SLC25A34: variants seen among roughly 807,000 people sequenced by gnomAD.
The protein encoded by SLC25A34 is solute carrier family 25 member 34.
In SLC25A34, 26 loss-of-function variants were observed where a neutral mutation model predicts 28.1. That is an observed-to-expected ratio of 0.93 (90% CI 0.68 to 1.28). The LOEUF (loss-of-function observed/expected upper bound fraction) is 1.28. Ranked by LOEUF, SLC25A34 falls within the 50% of genes most tolerant of loss-of-function variation. The pLI is 0.00. For missense variants in SLC25A34, 384 were observed against 409.8 expected (o/e 0.94, Z 0.54); for synonymous variants, 182 against 182.2 (o/e 1.00, Z 0.01).
At chr1:15,739,072 C>A in intron 4 of SLC25A34, 152 bp from the exon 5 acceptor site, 2 of 1,001,606 alleles carry the variant, frequency 2.0e-6, no homozygotes, top group Non-Finnish European at 2.9e-6. Context: ...ACCCCACAGC[C>A]TTCCCATGGC....
In SLC25A34 at chr1:15,738,133, G is replaced by C; in HGVS notation, c.485G>C (p.Gly162Ala). ...TTGGAGACCATCTGGCGGCAGCAAG[G>C]GCTCTTGGGGCTGTGGCAGGGCGTT... ...GALETIWRQQ[G>A]LLGLWQGVGG... The change falls in exon 3 of 5, where the codon GGG becomes GCG. Residue 162 changes from glycine to alanine, a missense_variant. Coordinates refer to ENST00000294454, the MANE Select transcript of SLC25A34 (RefSeq NM_207348.3). 6.2e-7 allele frequency: 1 copy of C among 1,606,344 alleles called. No homozygotes were observed.
Position 15,736,883 on chromosome 1 carries a change from C to T in SLC25A34, c.378+20C>T, listed in dbSNP as rs1048219846. The stretch of plus-strand genomic sequence containing the variant: ...TACCTGGTGAGTGGCTTGTCTCCAT[C>T]GTCCACCCTCCACCATCCCATGACC... On this transcript the variant is annotated intron_variant, in intron 1 of 4. Coordinates refer to ENST00000294454, the MANE Select transcript of SLC25A34 (RefSeq NM_207348.3). 7 of 1,505,172 alleles carry T rather than the reference C, an allele frequency of 4.7e-6. No homozygotes were observed. The highest frequency in any genetic ancestry group is 1.3e-5 in the South Asian group (1 of 76,346). 93.2% of individuals were successfully genotyped at this position (1,505,172 alleles called of 1,614,324 possible). A position where few individuals can be genotyped will look rare whatever the true frequency, so the allele number is the denominator to read the frequency against.
chr1:15,736,826 G>A lies in SLC25A34; in HGVS notation c.341G>A (p.Gly114Glu), dbSNP rs761703349. 1 of 1,591,500 alleles carries A rather than the reference G, an allele frequency of 6.3e-7. No homozygotes were observed. Among genetic ancestry groups the A allele is most frequent in the South Asian group, 1.1e-5 (1 of 88,986 alleles). Residue 114 changes from glycine to glutamate, a missense_variant, in exon 1 of 5, where the codon GGG (glycine) becomes GAG (glutamate). Gly to Glu is a moderately conservative substitution (Grantham distance 98). Transcript: ENST00000294454. ...ACCGTGGTTGCGGGAGCCGTGGCGG[G>A]GGCACTGGGAGCCTTCGTGGGGAGC... ...GGTVVAGAVA[G>E]ALGAFVGSPA...
chr1:15,739,284 CT>C lies in SLC25A34; in HGVS notation c.794del (p.Leu265ArgfsTer133), dbSNP rs779390693. On this transcript the variant is annotated frameshift_variant, in exon 5 of 5. Coordinates refer to ENST00000294454, the MANE Select transcript of SLC25A34 (RefSeq NM_207348.3). LOFTEE classifies it high-confidence loss of function. ...MVKIWRQEGP[L>X]ALYKGLGPAY... ...GAAGATCTGGCGGCAGGAGGGCCCC[CT>C]GGCACTCTACAAGGGCCTGGGCCCC... 2.5e-6 allele frequency: 4 copies of C among 1,612,144 alleles called. No homozygotes were observed. Among genetic ancestry groups the C allele is most frequent in the Non-Finnish European group, 3.4e-6 (4 of 1,179,448 alleles).
chr1:15,738,803 C>G (rs1401856461), intron 4 of SLC25A34, 75 bp downstream of exon 4: 2 of 1,386,450 alleles, frequency 1.4e-6, no homozygotes, highest in Admixed American at 2.8e-5. Context: ...CACACACACA[C>G]TCTCACACAC....
At position 15,736,638 on chromosome 1, in the gene SLC25A34, T is replaced by C. The variant is rs1447759041; in HGVS notation, c.153T>C (p.His51=). 1 of 1,588,890 alleles carries C rather than the reference T, an allele frequency of 6.3e-7. No individual in the cohort carries two copies. Among genetic ancestry groups the C allele is most frequent in the East Asian group, 2.3e-5 (1 of 43,904 alleles). ...QARGTYPRPY[H]GFIASVAAVA... ...GGGGCACCTACCCACGGCCCTACCA[T>C]GGCTTCATAGCCTCTGTCGCTGCTG... The change falls in exon 1 of 5, where the codon CAT becomes CAC. Residue 51 remains histidine, a synonymous_variant. Coordinates refer to ENST00000294454, the MANE Select transcript of SLC25A34 (RefSeq NM_207348.3).
In SLC25A34 at chr1:15,739,242, C is replaced by T. The variant is rs1291728959; in HGVS notation, c.751C>T (p.Leu251Phe). The T allele has an allele frequency of 6.2e-7, 1 of 1,612,496 alleles. No homozygotes were observed. The highest frequency in any genetic ancestry group is 1.7e-5 in the Admixed American group (1 of 59,938). The change falls in exon 5 of 5, where the codon CTC (leucine) becomes TTC (phenylalanine). Residue 251 changes from leucine (L) to phenylalanine (F), a missense_variant. By Grantham distance (22) the Leu-to-Phe change is conservative. Transcript: ENST00000294454. The part of the protein sequence containing the change: ...TAGRGQLYGG[L>F]TDCMVKIWRQ... Reference sequence around the variant, plus strand: ...TCCCCAGGGCCAGCTCTATGGGGGCCTCACCGACTGCATGGTGAAGATCTG... The same window carrying T: ...TCCCCAGGGCCAGCTCTATGGGGGCTTCACCGACTGCATGGTGAAGATCTG...
chr1:15,738,084 TC>T lies in SLC25A34; in HGVS notation c.445-5del. On this transcript the variant is annotated splice_polypyrimidine_tract_variant and splice_region_variant and intron_variant, in intron 2 of 4. Transcript: ENST00000294454. ...GGGTGGCCAGTGACCCCGTGCCCTC[TC>T]CCCACAGACTGTCCTGGGTGCCTTG... 1 of 1,610,572 alleles carries T rather than the reference TC, an allele frequency of 6.2e-7. No homozygotes were observed. Among genetic ancestry groups the T allele is most frequent in the Non-Finnish European group, 8.5e-7 (1 of 1,177,996 alleles).
rs1479977591 is a variant in SLC25A34, at chr1:15,738,177, G to C, written c.529G>C (p.Val177Leu). The C allele has an allele frequency of 2.5e-6, 4 of 1,607,490 alleles. No homozygotes were observed. ...WQGVGGAVPRVMVGSAAQLAT... is the reference protein window; with the variant it reads ...WQGVGGAVPRLMVGSAAQLAT... ...GGGCGTTGGTGGGGCTGTGCCCCGAGTCATGGTGGGCTCAGCTGCCCAGCT... is the reference window on the plus strand; with the variant it reads ...GGGCGTTGGTGGGGCTGTGCCCCGACTCATGGTGGGCTCAGCTGCCCAGCT... Residue 177 changes from valine (V) to leucine (L), a missense_variant, in exon 3 of 5, where the codon GTC becomes CTC. Val to Leu is a conservative substitution (Grantham distance 32, BLOSUM62 1). Coordinates refer to ENST00000294454, the MANE Select transcript of SLC25A34 (RefSeq NM_207348.3).
rs60323818 is a variant in SLC25A34, at chr1:15,739,654, A to T, written c.*248A>T. ...CCTTCTCTGTACTGCGTACTGGGTC[A>T]CCACATCCCAGAGCCTTGCTCAGTT... On this transcript the variant is annotated 3_prime_UTR_variant, in exon 5 of 5. Transcript: ENST00000294454. 10,178 of 390,322 alleles carry T rather than the reference A, an allele frequency of 0.026. 883 individuals carry two copies. The highest frequency in any genetic ancestry group is 0.18 in the African/African-American group (8,882 of 48,342). The allele number at this position is 390,322 out of a possible 1,614,324, so 24.2% of individuals were successfully genotyped here.
chr1:15,738,580 T>C lies in SLC25A34; in HGVS notation c.598-14T>C, dbSNP rs1320133595. ...GAGCTGTTGCAGGGATCAGCACCTG[T>C]GCCATCCCCACAGTGGCTCCCTGAG... On this transcript the variant is annotated splice_polypyrimidine_tract_variant and intron_variant, in intron 3 of 4. Transcript: ENST00000294454. 6 of 1,602,806 alleles carry C rather than the reference T, an allele frequency of 3.7e-6. No homozygotes were observed. Among genetic ancestry groups the C allele is most frequent in the African/African-American group, 1.3e-5 (1 of 74,296 alleles).
intron 1 of SLC25A34, among the ~76,000 whole-genome samples, chr1:15,737,266 G>A (rs2068233752): frequency 1.3e-5 from 2 of 152,210 alleles, no homozygotes; most frequent in African/African-American, 4.8e-5. Context: ...ATTAAAAAAT[G>A]TTTTGAAGAA....
rs1028224012 is a variant in SLC25A34 at position 15,740,256 on chromosome 1, C to T, written c.*850C>T. 1.3e-5 allele frequency: 2 copies of T among 151,848 alleles called. No individual in the cohort carries two copies. Among genetic ancestry groups the T allele is most frequent in the East Asian group, 1.9e-4 (1 of 5,190 alleles). The allele number at this position is 151,848 out of a possible 1,614,324, so 9.4% of individuals were successfully genotyped here. On this transcript the variant is annotated 3_prime_UTR_variant, in exon 5 of 5. Coordinates refer to ENST00000294454, the MANE Select transcript of SLC25A34 (RefSeq NM_207348.3). ...GACACAAATCATGTTGGCTTAGGGC[C>T]CACCCTCATGACCCCACTTTAATTT...
Position 15,738,743 on chromosome 1 carries a change from G to T in SLC25A34, c.732+15G>T, listed in dbSNP as rs114509868. 2.6e-6 allele frequency: 4 copies of T among 1,532,816 alleles called. No homozygotes were observed. Among genetic ancestry groups the T allele is most frequent in the Non-Finnish European group, 2.6e-6 (3 of 1,143,052 alleles). The allele number at this position is 1,532,816 out of a possible 1,614,324, so 95.0% of individuals were successfully genotyped here. On this transcript the variant is annotated intron_variant, in intron 4 of 4. Transcript: ENST00000294454. Reference sequence around the variant, plus strand: ...CAGCTGGCAGGGTGAGCAGGGGCGGGTCTAGGGGAGACCGTGGGGAGCTGG... The same window carrying T: ...CAGCTGGCAGGGTGAGCAGGGGCGGTTCTAGGGGAGACCGTGGGGAGCTGG...
At position 15,738,244 on chromosome 1, in the gene SLC25A34, A is replaced by G; in HGVS notation, c.596A>G (p.Gln199Arg). Reference protein sequence around the residue: ...ASAKAWVQKQQWLPEDSWLVA... With the variant: ...ASAKAWVQKQRWLPEDSWLVA... ...GCCAAGGCCTGGGTACAGAAGCAAC[A>G]GGTGAGGAGCTGGGGACACCTGTGC... is the stretch of plus-strand genomic sequence containing the variant. The change falls in exon 3 of 5, where the codon CAG becomes CGG. Residue 199 changes from glutamine to arginine, a missense_variant and splice_region_variant. Gln to Arg is a conservative substitution (Grantham distance 43). Transcript: ENST00000294454. 1 of 1,596,986 alleles carries G rather than the reference A, an allele frequency of 6.3e-7. No homozygotes were observed. The highest frequency in any genetic ancestry group is 1.1e-5 in the South Asian group (1 of 88,166).
Position 15,740,979 on chromosome 1 carries a change from GGCCTCA to G in SLC25A34, c.*1577_*1582del, listed in dbSNP as rs2068274880. The G allele has an allele frequency of 1.3e-5, 2 of 152,454 alleles. No individual in the cohort carries two copies. The highest frequency in any genetic ancestry group is 4.8e-5 in the African/African-American group (2 of 41,572). 9.4% of individuals were successfully genotyped at this position (152,454 alleles called of 1,614,324 possible). Reference sequence around the variant, plus strand: ...ATTACAGGCGTGAGCCACCGCGCCTGGCCTCAGCCAACATCATCTAAGGGCTCTCAC... The same window carrying G: ...ATTACAGGCGTGAGCCACCGCGCCTGGCCAACATCATCTAAGGGCTCTCAC... On this transcript the variant is annotated 3_prime_UTR_variant, in exon 5 of 5. Transcript: ENST00000294454.
Position 15,740,112 on chromosome 1 carries a change from C to A in SLC25A34, c.*706C>A. The A allele has an allele frequency of 6.6e-6, 1 of 152,300 alleles. No homozygotes were observed. Among genetic ancestry groups the A allele is most frequent in the East Asian group, 1.9e-4 (1 of 5,182 alleles). The allele number at this position is 152,300 out of a possible 1,614,324, so 9.4% of individuals were successfully genotyped here. On this transcript the variant is annotated 3_prime_UTR_variant, in exon 5 of 5. Transcript: ENST00000294454. ...GGCTGGATGCTGGAGACCAAGGTGTCAGTGGGCTGGTTTCTTCTGAGGCCT... is the reference window on the plus strand; with the variant it reads ...GGCTGGATGCTGGAGACCAAGGTGTAAGTGGGCTGGTTTCTTCTGAGGCCT...
Position 15,739,523 on chromosome 1 carries a change from C to A in SLC25A34, c.*117C>A. The stretch of plus-strand genomic sequence containing the variant: ...CATGGGCCCAGGCCCTGCCAGAGGT[C>A]CCGGGAGAGTGTGGACAGCTCTGGT... On this transcript the variant is annotated 3_prime_UTR_variant, in exon 5 of 5. Transcript: ENST00000294454. 1 of 1,264,806 alleles carries A rather than the reference C, an allele frequency of 7.9e-7. No individual in the cohort carries two copies. Among genetic ancestry groups the A allele is most frequent in the Non-Finnish European group, 1.1e-6 (1 of 951,036 alleles). The allele number at this position is 1,264,806 out of a possible 1,614,324, so 78.3% of individuals were successfully genotyped here.
intron 3 of SLC25A34, 53 bp from the exon 4 acceptor site, chr1:15,738,541 C>T (rs796072621): frequency 8.3e-6 from 13 of 1,568,700 alleles, no homozygotes; most frequent in African/African-American, 8.2e-5. Flanking sequence ...GAGGGCACGA[C>T]GTGGGTGGGT....
Sources: allele counts gnomAD v4.1 joint callset (sites outside exome capture counted in the v4.1 genomes callset), GRCh38; gene constraint gnomAD v4.1.1; transcripts MANE v1.5; gene names NCBI Gene and HGNC (gene_info 2026-07-23, HGNC 2026-07-21).